The following CAMKK2 variants were observed in gnomAD, a reference collection of about 807,000 sequenced individuals.
CAMKK2 encodes the protein calcium/calmodulin-dependent protein kinase kinase 2.
Under a neutral mutation model 67.2 loss-of-function variants are expected in CAMKK2, and 30 were observed. That is an observed-to-expected ratio of 0.45 (90% CI 0.33 to 0.61). The LOEUF (loss-of-function observed/expected upper bound fraction) is 0.61, where lower values mean the gene tolerates loss of function less well. Among genes scored for constraint, CAMKK2 ranks in the 20% least tolerant of loss-of-function variants. CAMKK2 has a pLI of 0.02. For missense variants in CAMKK2, 643 were observed against 802.0 expected (o/e 0.80, Z 2.39); for synonymous variants, 322 against 326.2 (o/e 0.99, Z 0.14).
intron 1 of CAMKK2, among the ~76,000 whole-genome samples, chr12:121,283,077 G>A (rs1307692626): frequency 6.6e-6 from 1 of 152,120 alleles, no homozygotes; most frequent in Admixed American, 6.6e-5. Context: ...TCTTTAAGCC[G>A]CCCAGTGTGA....
intron 2 of CAMKK2, among the ~76,000 whole-genome samples, chr12:121,272,001 G>A (rs1465386745): frequency 1.3e-5 from 2 of 151,726 alleles, no homozygotes; most frequent in Admixed American, 6.6e-5. Context: ...TGAGCTACTG[G>A]GCCTAGCCTA....
At chr12:121,263,750 T>C in intron 6 of CAMKK2, 56 bp downstream of exon 6, 3 of 1,522,140 alleles carry the variant, frequency 2.0e-6, no homozygotes, top group African/African-American at 1.4e-5. Context: ...GGCGGGGTGT[T>C]TGGGTATTAA....
chr12:121,247,131 G>A (rs1038849131), intron 14 of CAMKK2, among the ~76,000 whole-genome samples: 5 of 151,770 alleles, frequency 3.3e-5, no homozygotes, highest in Admixed American at 6.6e-5. Flanking sequence ...TAGCCCGTCC[G>A]CCCTCTCTCG....
chr12:121,246,587 T>C (rs1889525085), intron 14 of CAMKK2, among the ~76,000 whole-genome samples: 1 of 151,236 alleles, frequency 6.6e-6, no homozygotes, highest in South Asian at 2.1e-4. Context: ...CTTCCCCTAC[T>C]GAGGTTCTTA....
intron 1 of CAMKK2, among the ~76,000 whole-genome samples, chr12:121,280,581 G>A (rs1017732908): frequency 2.6e-5 from 4 of 152,144 alleles, no homozygotes; most frequent in Non-Finnish European, 5.9e-5. Context: ...AAGCAAATGG[G>A]AGAAATATCG....
intron 1 of CAMKK2, among the ~76,000 whole-genome samples, chr12:121,286,323 T>G (rs982752106): frequency 1.3e-5 from 2 of 152,214 alleles, no homozygotes; most frequent in African/African-American, 4.8e-5. Flanking sequence ...TTTCTCTTTC[T>G]TTTAATCTTA....
intron 1 of CAMKK2, among the ~76,000 whole-genome samples, chr12:121,288,015 G>A (rs182229311): frequency 6.6e-6 from 1 of 152,218 alleles, no homozygotes; most frequent in African/African-American, 2.4e-5. Context: ...ATAAAACCAG[G>A]TGTGCATGGG....
chr12:121,250,457 C>T (rs1425823464), intron 11 of CAMKK2, among the ~76,000 whole-genome samples: 1 of 152,142 alleles, frequency 6.6e-6, no homozygotes, highest in African/African-American at 2.4e-5. Flanking sequence ...CACGCCCTGC[C>T]CTGAGGTTTT....
intron 1 of CAMKK2, among the ~76,000 whole-genome samples, chr12:121,283,895 C>T (rs1898238069): frequency 6.6e-6 from 1 of 152,200 alleles, no homozygotes; most frequent in Non-Finnish European, 1.5e-5. Flanking sequence ...GATAAAAGTG[C>T]AAATTTACAG....
intron 7 of CAMKK2, among the ~76,000 whole-genome samples, chr12:121,260,003 G>C (rs1210325742): frequency 6.6e-6 from 1 of 152,196 alleles, no homozygotes; most frequent in African/African-American, 2.4e-5. Context: ...GATCACTTGA[G>C]CCTGGGAGAT....
At chr12:121,265,436 C>T (rs1364969126) in intron 5 of CAMKK2, among the ~76,000 whole-genome samples, 4 of 152,102 alleles carry the variant, frequency 2.6e-5, no homozygotes, top group African/African-American at 4.8e-5. Flanking sequence ...GGAGGTGCTA[C>T]GGTCAGGATG....
At chr12:121,255,897 C>A in intron 7 of CAMKK2, 93 bp from the exon 8 acceptor site, 1 of 1,171,826 alleles carries the variant, frequency 8.5e-7, no homozygotes, top group Non-Finnish European at 1.3e-6. Context: ...CCAGAAACAC[C>A]AAGAAAGACA....
intron 14 of CAMKK2, among the ~76,000 whole-genome samples, chr12:121,247,168 C>G (rs576704681): frequency 1.3e-4 from 20 of 152,282 alleles, no homozygotes; most frequent in African/African-American, 4.8e-4. Flanking sequence ...ACCATCCTCT[C>G]GGTGTCTATC....
At chr12:121,263,005 G>A (rs1893778615) in intron 6 of CAMKK2, among the ~76,000 whole-genome samples, 1 of 151,366 alleles carries the variant, frequency 6.6e-6, no homozygotes, top group African/African-American at 2.4e-5. Flanking sequence ...TTTCACTCTT[G>A]TTGCCCAGGC....
intron 1 of CAMKK2, among the ~76,000 whole-genome samples, chr12:121,288,811 T>C (rs1175627662): frequency 2.7e-5 from 4 of 149,974 alleles, no homozygotes; most frequent in African/African-American, 9.8e-5. Flanking sequence ...AACTGCCATC[T>C]CTCAACTATT....
chr12:121,291,407 C>A (rs1449639834), intron 1 of CAMKK2, among the ~76,000 whole-genome samples: 1 of 152,160 alleles, frequency 6.6e-6, no homozygotes, highest in African/African-American at 2.4e-5. Context: ...ACACAAAATG[C>A]GGTCCATCCA....
intron 16 of CAMKK2, among the ~76,000 whole-genome samples, chr12:121,242,660 T>G (rs1270880370): frequency 6.6e-6 from 1 of 152,220 alleles, no homozygotes; most frequent in African/African-American, 2.4e-5. Flanking sequence ...CTCAAAAGCA[T>G]AAATAATTCC....
intron 1 of CAMKK2, among the ~76,000 whole-genome samples, chr12:121,284,640 G>A (rs1377161708): frequency 6.6e-6 from 1 of 152,100 alleles, no homozygotes; most frequent in African/African-American, 2.4e-5. Context: ...GAGTTTTTCA[G>A]GAAGGGGCCA....
intron 5 of CAMKK2, among the ~76,000 whole-genome samples, chr12:121,264,841 C>G (rs554826147): frequency 4.7e-4 from 71 of 150,336 alleles, no homozygotes; most frequent in Admixed American, 8.6e-4. Context: ...TATGGTGGCA[C>G]GTGCCTGTGG....
Sources: allele counts gnomAD v4.1 joint callset (sites outside exome capture counted in the v4.1 genomes callset), GRCh38; gene constraint gnomAD v4.1.1; transcripts MANE v1.5; gene names NCBI Gene and HGNC (gene_info 2026-07-23, HGNC 2026-07-21).